The following ROBO1 variants were observed in gnomAD, a reference collection of about 807,000 sequenced individuals.
ROBO1 encodes the protein roundabout guidance receptor 1.
In ROBO1, 149 loss-of-function variants were observed where a neutral mutation model predicts 195.9. The observed-to-expected ratio is 0.76, with a 90% CI of 0.67 to 0.87. ROBO1 has a LOEUF of 0.87. ROBO1 is among the 40% of genes least tolerant of loss of function. The pLI is 0.00. For missense variants in ROBO1, 1,933 were observed against 2,068.3 expected (o/e 0.93, Z 1.27); for synonymous variants, 816 against 733.2 (o/e 1.11, Z -1.82).
At position 78,600,114 on chromosome 3, in the gene ROBO1, T is replaced by C. The variant is rs1443592314; in HGVS notation, c.4940A>G (p.Glu1647Gly). The C allele has an allele frequency of 6.2e-7, 1 of 1,610,370 alleles. No homozygotes were observed. The highest frequency in any genetic ancestry group is 8.5e-7 in the Non-Finnish European group (1 of 1,177,362). ...AACTTGGGGAAAAATTATAGATACC[T>C]CTAATTCTTCATTATTATCTTCTCC... ...ERGEDNNEEL[E>G]ETES Residue 1647 changes from glutamate (E) to glycine (G), a missense_variant and splice_region_variant, in exon 30 of 31, where the codon GAG (glutamate) becomes GGG (glycine). Transcript: ENST00000464233.
chr3:79,249,208 G>A lies in ROBO1; in HGVS notation c.89-123669C>T, dbSNP rs184851744. 2.4e-4 allele frequency among the ~76,000 whole-genome samples: 37 copies of A among 152,272 alleles called. 1 individual carries two copies. The highest frequency in any genetic ancestry group is 8.5e-4 in the Admixed American group (13 of 15,280). ...AGTTTTGACCAATACGTGTAACCTT[G>A]CAGCTGCTGGGTGGGCATTTTGAGA... On this transcript the variant is annotated intron_variant, in intron 2 of 30. Transcript: ENST00000464233.
intron 4 of ROBO1, among the ~76,000 whole-genome samples, chr3:78,757,575 G>A (rs976978386): frequency 9.2e-5 from 14 of 152,046 alleles, no homozygotes; most frequent in South Asian, 2.1e-4. Flanking sequence ...ACAGTCTCAA[G>A]GGGGAAGAAT....
Position 78,731,432 on chromosome 3 carries a change from A to G in ROBO1, c.658-13549T>C, listed in dbSNP as rs3773238. Reference sequence around the variant, plus strand: ...AGTCAGTGTGAAGATTAAAGAACAAAGTAAAATCAATGAAAAAAGCTTGAT... The same window carrying G: ...AGTCAGTGTGAAGATTAAAGAACAAGGTAAAATCAATGAAAAAAGCTTGAT... On this transcript the variant is annotated intron_variant, in intron 5 of 30. Coordinates refer to ENST00000464233, the MANE Select transcript of ROBO1 (RefSeq NM_002941.4). 2.6e-5 allele frequency among the ~76,000 whole-genome samples: 4 copies of G among 152,236 alleles called. No individual in the cohort carries two copies. The East Asian group carries it at 7.7e-4, about 29-fold the overall frequency.
At chr3:79,713,481 G>A (rs114824198) in intron 1 of ROBO1, among the ~76,000 whole-genome samples, 2,942 of 152,174 alleles carry the variant, frequency 0.019, 61 homozygotes, top group African/African-American at 0.052. Context: ...ACCTTCCTGG[G>A]TTACTTAGAA....
intron 2 of ROBO1, among the ~76,000 whole-genome samples, chr3:79,548,904 G>T (rs1289557477): frequency 1.3e-5 from 2 of 152,106 alleles, no homozygotes; most frequent in African/African-American, 4.8e-5. Context: ...CAGTACACAG[G>T]CAGGAGAAAA....
Position 78,773,430 on chromosome 3 carries a change from CATACAGAACTG to C in ROBO1, c.500-26541_500-26531del, listed in dbSNP as rs958118028. On this transcript the variant is annotated intron_variant, in intron 4 of 30. Coordinates refer to ENST00000464233, the MANE Select transcript of ROBO1 (RefSeq NM_002941.4). ...CATTAGTTGAAATTTCTTACATCAA[CATACAGAACTG>C]CATTCATTCTACTCATTTGTATTTT... 6.2e-4 allele frequency among the ~76,000 whole-genome samples: 94 copies of C among 152,192 alleles called. 1 individual carries two copies. Among genetic ancestry groups the C allele is most frequent in the African/African-American group, 2.2e-3 (91 of 41,546 alleles).
intron 3 of ROBO1, among the ~76,000 whole-genome samples, chr3:79,006,728 T>A (rs1411276852): frequency 2.1e-5 from 3 of 143,870 alleles, no homozygotes. Flanking sequence ...TGTATAGGCA[T>A]TTCAGTTTTC....
chr3:79,299,621 T>G (rs969872377), intron 2 of ROBO1, among the ~76,000 whole-genome samples: 9 of 152,324 alleles, frequency 5.9e-5, no homozygotes, highest in East Asian at 1.9e-4. Flanking sequence ...ATATTCATTT[T>G]GGAGGAAATA....
At chr3:79,735,826 G>C (rs1209648897) in intron 1 of ROBO1, among the ~76,000 whole-genome samples, 2 of 149,156 alleles carry the variant, frequency 1.3e-5, no homozygotes. Context: ...AGCAGAGATC[G>C]CGCCACTGCA....
At chr3:79,687,837 A>C (rs1947174127) in intron 1 of ROBO1, among the ~76,000 whole-genome samples, 1 of 152,162 alleles carries the variant, frequency 6.6e-6, no homozygotes, top group African/African-American at 2.4e-5. Context: ...CTAGAACTGG[A>C]AATACAATTT....
chr3:79,074,120 A>C (rs932625437), intron 3 of ROBO1, among the ~76,000 whole-genome samples: 10 of 151,688 alleles, frequency 6.6e-5, no homozygotes, highest in Admixed American at 5.9e-4. Context: ...ATAAACACAG[A>C]ATTATATTTC....
intron 3 of ROBO1, among the ~76,000 whole-genome samples, chr3:78,943,277 G>A (rs771129361): frequency 1.7e-4 from 26 of 152,126 alleles, no homozygotes; most frequent in Non-Finnish European, 7.3e-5. Context: ...GAGAGATGAT[G>A]TACAGGAAGT....
chr3:79,374,379 T>C (rs1269655732), intron 2 of ROBO1, among the ~76,000 whole-genome samples: 1 of 152,076 alleles, frequency 6.6e-6, no homozygotes, highest in African/African-American at 2.4e-5. Flanking sequence ...GAATGATAGG[T>C]ATATGGTTGA....
intron 1 of ROBO1, among the ~76,000 whole-genome samples, chr3:79,696,631 A>G (rs1476363669): frequency 1.3e-5 from 2 of 151,252 alleles, no homozygotes; most frequent in Admixed American, 6.6e-5. Flanking sequence ...TGATATCTGA[A>G]ATACTTTTAA....
At position 78,832,184 on chromosome 3, in the gene ROBO1, G is replaced by T. The variant is rs537030877; in HGVS notation, c.500-85284C>A. Among the ~76,000 whole-genome samples the T allele has an allele frequency of 2.0e-5, 3 of 152,262 alleles. No homozygotes were observed. The East Asian group carries it at 5.8e-4, about 29-fold the overall frequency. ...TCCTCATCCATCTTTCTATTCATTT[G>T]AAAGAGATTCATTTTCTCCATTCAG... On this transcript the variant is annotated intron_variant, in intron 4 of 30. Coordinates refer to ENST00000464233, the MANE Select transcript of ROBO1 (RefSeq NM_002941.4).
At chr3:79,455,814 C>T (rs900345374) in intron 2 of ROBO1, among the ~76,000 whole-genome samples, 5 of 152,070 alleles carry the variant, frequency 3.3e-5, no homozygotes, top group African/African-American at 9.7e-5. Context: ...AAAGAACTAG[C>T]ATTTGAGCAT....
intron 3 of ROBO1, among the ~76,000 whole-genome samples, chr3:79,108,878 GA>G (rs1290343125): frequency 6.6e-6 from 1 of 151,836 alleles, no homozygotes; most frequent in Non-Finnish European, 1.5e-5. Context: ...AATTGCATTT[GA>G]AAAGAAATAA....
At chr3:79,005,255 C>T (rs1372825146) in intron 3 of ROBO1, among the ~76,000 whole-genome samples, 1 of 152,188 alleles carries the variant, frequency 6.6e-6, no homozygotes, top group African/African-American at 2.4e-5. Flanking sequence ...CCCACTCAGA[C>T]GTTATTCCCT....
chr3:79,404,180 C>G (rs2037462269), intron 2 of ROBO1, among the ~76,000 whole-genome samples: 1 of 152,018 alleles, frequency 6.6e-6, no homozygotes, highest in African/African-American at 2.4e-5. Context: ...TGAACACTTT[C>G]TCCTGGTTCC....
Sources: allele counts gnomAD v4.1 joint callset (sites outside exome capture counted in the v4.1 genomes callset), GRCh38; gene constraint gnomAD v4.1.1; transcripts MANE v1.5; gene names NCBI Gene and HGNC (gene_info 2026-07-23, HGNC 2026-07-21).